NBAS: variants seen among roughly 807,000 people sequenced by gnomAD.
The protein encoded by NBAS is NAG/BC035112 fusion.
A neutral mutation model predicts 302.5 loss-of-function variants in NBAS; 219 were observed. That is an observed-to-expected ratio of 0.72 (90% CI 0.65 to 0.81). NBAS has a LOEUF of 0.81. Among genes scored for constraint, NBAS ranks in the 30% least tolerant of loss-of-function variants. The pLI, the probability that NBAS is intolerant of heterozygous loss-of-function variation, is 0.00. For synonymous variants in NBAS, 1,118 were observed against 1,021.6 expected, an observed-to-expected ratio of 1.09 and a Z score of -1.80; for missense variants, 2,932 against 2,841.6, an observed-to-expected ratio of 1.03 and a Z score of -0.72.
chr2:15,292,721 G>A lies in NBAS; in HGVS notation c.4843C>T (p.Arg1615Ter), dbSNP rs1222594800. The change falls in exon 41 of 52, where the codon CGA (arginine) becomes TGA (stop). Residue 1615 changes from arginine (R) to a stop codon, truncating the protein, a stop_gained. Transcript: ENST00000281513. LOFTEE classifies it high-confidence loss of function. ...LIKMVTRHVT[R>*]HEHEAWPEDL... is the part of the protein sequence containing the mutation. ...TCAGGCCAGGCTTCGTGCTCATGTC[G>A]AGTCACATGCCTGGTGACCATCTTG... 5 of 1,614,116 alleles carry A rather than the reference G, an allele frequency of 3.1e-6. No homozygotes were observed. The highest frequency in any genetic ancestry group is 1.6e-4 in the Middle Eastern group (1 of 6,062).
chr2:15,082,900 G>A, the NBAS span, among the ~76,000 whole-genome samples: 1 of 152,208 alleles, frequency 6.6e-6, no homozygotes, highest in African/African-American at 2.4e-5. Context: ...ATGTAGTAGA[G>A]CCAGGGCTCA....
chr2:15,080,962 T>C, the NBAS span, among the ~76,000 whole-genome samples: 1 of 152,146 alleles, frequency 6.6e-6, no homozygotes, highest in Non-Finnish European at 1.5e-5. Context: ...AACCCAGCCC[T>C]TGATGGACAG....
chr2:15,344,205 T>C (rs957336850), intron 35 of NBAS, among the ~76,000 whole-genome samples: 1 of 151,656 alleles, frequency 6.6e-6, no homozygotes, highest in African/African-American at 2.4e-5. Flanking sequence ...AGCACATATA[T>C]AGGAATGGCT....
At chr2:15,287,418 T>C (rs1487832291) in intron 41 of NBAS, among the ~76,000 whole-genome samples, 1 of 152,222 alleles carries the variant, frequency 6.6e-6, no homozygotes, top group East Asian at 1.9e-4. Flanking sequence ...AGTTCTCAAC[T>C]GTGGATGATT....
chr2:15,121,335 T>C, the NBAS span, among the ~76,000 whole-genome samples: 2 of 152,196 alleles, frequency 1.3e-5, no homozygotes, highest in African/African-American at 4.8e-5. Context: ...AGAACACTAC[T>C]GGTGGGACTT....
chr2:15,260,952 TGTGTCTTTA>T (rs1416671279), intron 44 of NBAS, among the ~76,000 whole-genome samples: 1 of 152,212 alleles, frequency 6.6e-6, no homozygotes, highest in Non-Finnish European at 1.5e-5. Context: ...GTTTTGCTTG[TGTGTCTTTA>T]ATGCTGACCA....
chr2:15,263,964 G>A (rs1040684902), intron 44 of NBAS, among the ~76,000 whole-genome samples: 83 of 152,218 alleles, frequency 5.5e-4, no homozygotes, highest in African/African-American at 2.0e-3. Flanking sequence ...TTTATTATAA[G>A]TTTCTTCACT....
At chr2:15,322,237 A>AG (rs1671843170) in intron 38 of NBAS, among the ~76,000 whole-genome samples, 1 of 23,012 alleles carries the variant, frequency 4.3e-5, no homozygotes, top group Non-Finnish European at 8.1e-5. Context: ...AGGACCTGTC[A>AG]GGGGGTGGGG....
the NBAS span, among the ~76,000 whole-genome samples, chr2:14,867,008 G>T: frequency 9.2e-5 from 14 of 152,104 alleles, no homozygotes; most frequent in Admixed American, 2.6e-4. Context: ...AAAACCCATA[G>T]AATTTTGTGC....
the NBAS span, among the ~76,000 whole-genome samples, chr2:14,799,887 G>A: frequency 6.6e-6 from 1 of 152,130 alleles, no homozygotes; most frequent in Non-Finnish European, 1.5e-5. Context: ...CTCGTCGTTT[G>A]TTTAGTGATA....
chr2:14,782,140 T>C, the NBAS span, among the ~76,000 whole-genome samples: 3 of 152,164 alleles, frequency 2.0e-5, no homozygotes, highest in Non-Finnish European at 1.5e-5. Flanking sequence ...TCCATGATCC[T>C]GGGCTAACAA....
At chr2:15,110,902 G>A in the NBAS span, among the ~76,000 whole-genome samples, 3 of 152,072 alleles carry the variant, frequency 2.0e-5, no homozygotes, top group Admixed American at 1.3e-4. Context: ...CTAAAATAAA[G>A]GGCTTGAAGA....
chr2:15,217,126 T>C (rs1362281463), intron 48 of NBAS, among the ~76,000 whole-genome samples: 4 of 152,208 alleles, frequency 2.6e-5, no homozygotes, highest in African/African-American at 9.7e-5. Context: ...TGCCTTCGTG[T>C]CCCTAGCCTG....
the NBAS span, among the ~76,000 whole-genome samples, chr2:14,789,327 G>A: frequency 1.3e-5 from 2 of 152,164 alleles, no homozygotes; most frequent in Non-Finnish European, 2.9e-5. Context: ...GGCACATGGT[G>A]TGCTGCACCC....
chr2:15,474,549 T>TTCTTCTTC (rs1558372889), intron 14 of NBAS, among the ~76,000 whole-genome samples: 17 of 147,846 alleles, frequency 1.1e-4, no homozygotes, highest in African/African-American at 4.2e-4. Context: ...AGCCTGTTTT[T>TTCTTCTTC]TTCTTCTTCT....
the NBAS span, among the ~76,000 whole-genome samples, chr2:15,101,885 C>T: frequency 6.6e-6 from 1 of 152,232 alleles, no homozygotes; most frequent in East Asian, 1.9e-4. Context: ...CTCCGCATTT[C>T]CCCACTTTCT....
chr2:15,445,992 C>T (rs907721410), intron 21 of NBAS, among the ~76,000 whole-genome samples: 1 of 148,674 alleles, frequency 6.7e-6, no homozygotes, highest in Admixed American at 6.7e-5. Flanking sequence ...GTAATAGAAA[C>T]AATCCAAAAT....
the NBAS span, among the ~76,000 whole-genome samples, chr2:14,891,687 TA>T: frequency 6.6e-6 from 1 of 152,152 alleles, no homozygotes; most frequent in South Asian, 2.1e-4. Context: ...GCAAAACTAT[TA>T]ATATAAACAA....
In NBAS at chr2:15,167,071, G is replaced by A. The variant is rs759896675; in HGVS notation, c.7093C>T (p.Arg2365Cys). ...QAFRTFSTAL[R>C]AAQHWV ...CCTCACACCCAGTGCTGTGCTGCGC[G>A]GAGGGCTGTACTGAAGGTTCTGAAG... Residue 2365 changes from arginine to cysteine, a missense_variant, in exon 52 of 52, where the codon CGC becomes TGC. By Grantham distance (180) the Arg-to-Cys change is radical. Transcript: ENST00000281513. 41 of 1,600,224 alleles carry A rather than the reference G, an allele frequency of 2.6e-5. No homozygotes were observed. The highest frequency in any genetic ancestry group is 1.0e-4 in the South Asian group (9 of 88,998).
Sources: allele counts gnomAD v4.1 joint callset (sites outside exome capture counted in the v4.1 genomes callset), GRCh38; gene constraint gnomAD v4.1.1; transcripts MANE v1.5; gene names NCBI Gene and HGNC (gene_info 2026-07-23, HGNC 2026-07-21).